STIMATE: variants seen among roughly 807,000 people sequenced by gnomAD.
STIMATE encodes the protein STIM activating enhancer, also known as store-operated calcium entry regulator STIMATE.
Under a neutral mutation model 36.7 loss-of-function variants are expected in STIMATE, and 15 were observed. The observed-to-expected ratio is 0.41, with a 90% CI of 0.27 to 0.63. The LOEUF is 0.63. Ranked by LOEUF, STIMATE falls within the 20% of genes least tolerant of loss-of-function variation. The pLI is 0.32. For synonymous variants in STIMATE, 163 were observed against 162.3 expected (o/e 1.00, Z -0.03); for missense variants, 305 against 397.3 (o/e 0.77, Z 1.98).
intron 4 of STIMATE, 101 bp from the exon 5 acceptor site, chr3:52,845,042 T>G: frequency 1.7e-6 from 2 of 1,204,778 alleles, no homozygotes; most frequent in Non-Finnish European, 2.3e-6. Context: ...ACACTGGCTC[T>G]AAAGCTCTAA....
Position 52,852,702 on chromosome 3 carries a change from T to C in STIMATE, c.210-4A>G. 1.9e-6 allele frequency: 3 copies of C among 1,613,716 alleles called. No homozygotes were observed. The South Asian group carries it at 3.3e-5, about 18-fold the overall frequency. On this transcript the variant is annotated splice_region_variant and splice_polypyrimidine_tract_variant and intron_variant, in intron 2 of 7. Coordinates refer to ENST00000355083, the MANE Select transcript of STIMATE (RefSeq NM_198563.5). ...TTGTTTGGAAGTGTCTAAAAACCTG[T>C]ACAAAATAAACCAGCACTGGTTATT...
chr3:52,887,957 G>A (rs1047374603), intron 1 of STIMATE, among the ~76,000 whole-genome samples: 1 of 130,926 alleles, frequency 7.6e-6, no homozygotes. Flanking sequence ...AGGCAATTTA[G>A]CATCCCTGTT....
At chr3:52,844,773 G>A (rs1308088182) in intron 5 of STIMATE, 56 bp downstream of exon 5, 14 of 1,591,956 alleles carry the variant, frequency 8.8e-6, no homozygotes, top group Non-Finnish European at 1.2e-5. Context: ...GTGATGGGGA[G>A]GAAGTGCTGC....
At chr3:52,884,536 G>C (rs576772331) in intron 1 of STIMATE, among the ~76,000 whole-genome samples, 36 of 152,216 alleles carry the variant, frequency 2.4e-4, no homozygotes, top group African/African-American at 7.7e-4. Context: ...GTGACCTACC[G>C]CGCCCGCCCA....
intron 1 of STIMATE, among the ~76,000 whole-genome samples, chr3:52,891,533 C>A (rs1019382215): frequency 6.6e-6 from 1 of 152,226 alleles, no homozygotes; most frequent in Admixed American, 6.5e-5. Flanking sequence ...TCTCTCAGAG[C>A]CCACATGAGG....
chr3:52,836,892 G>T lies in STIMATE; in HGVS notation c.*3602C>A, dbSNP rs1336832356. On this transcript the variant is annotated 3_prime_UTR_variant, in exon 8 of 8. Coordinates refer to ENST00000355083, the MANE Select transcript of STIMATE (RefSeq NM_198563.5). ...CTGGATGGCTGCTGAAGTGGGCCAT[G>T]GTTTTCCTTGCATAGGTCTGACTTC... The T allele has an allele frequency of 1.8e-5, 4 of 226,178 alleles. No homozygotes were observed. Among genetic ancestry groups the T allele is most frequent in the African/African-American group, 9.1e-5 (4 of 44,158 alleles). 14.0% of individuals were successfully genotyped at this position (226,178 alleles called of 1,614,324 possible).
chr3:52,879,475 T>G (rs962074926), intron 1 of STIMATE, among the ~76,000 whole-genome samples: 19 of 152,100 alleles, frequency 1.2e-4, no homozygotes, highest in African/African-American at 4.3e-4. Context: ...TCTCCTCCAC[T>G]TAGGAAGAAC....
In STIMATE at chr3:52,843,748, G is replaced by A. The variant is rs754880364; in HGVS notation, c.591C>T (p.Val197=). 2 of 1,613,730 alleles carry A rather than the reference G, an allele frequency of 1.2e-6. No homozygotes were observed. The highest frequency in any genetic ancestry group is 2.2e-5 in the South Asian group (2 of 91,060). The change falls in exon 6 of 8, where the codon GTC becomes GTT. Residue 197 remains valine, a synonymous_variant. Coordinates refer to ENST00000355083, the MANE Select transcript of STIMATE (RefSeq NM_198563.5). ...IENPDLKLAI[V]MLIVPFFVNA... The stretch of plus-strand genomic sequence containing the variant: ...TGACAAAGAAGGGGACGATCAGCAT[G>A]ACGATGGCCAGCTTCAAGTCTGGGT...
At chr3:52,873,254 G>A (rs1444764648) in intron 1 of STIMATE, among the ~76,000 whole-genome samples, 1 of 152,206 alleles carries the variant, frequency 6.6e-6, no homozygotes, top group Non-Finnish European at 1.5e-5. Context: ...GAGCGAGGGG[G>A]CATTATCACT....
chr3:52,884,535 C>T (rs982259400), intron 1 of STIMATE, among the ~76,000 whole-genome samples: 28 of 152,282 alleles, frequency 1.8e-4, no homozygotes, highest in African/African-American at 6.5e-4. Flanking sequence ...CGTGACCTAC[C>T]GCGCCCGCCC....
intron 4 of STIMATE, among the ~76,000 whole-genome samples, chr3:52,849,499 C>T (rs1700962325): frequency 6.6e-6 from 1 of 152,218 alleles, no homozygotes; most frequent in African/African-American, 2.4e-5. Flanking sequence ...GTGTGTGGGA[C>T]TGCTGGTGTC....
chr3:52,859,176 TAAATAAAATA>T (rs71087028), intron 1 of STIMATE, among the ~76,000 whole-genome samples: 9 of 141,878 alleles, frequency 6.3e-5, no homozygotes, highest in African/African-American at 1.3e-4. Flanking sequence ...AAAAATAAAA[TAAATAAAATA>T]AAATAAAATA....
chr3:52,888,216 G>T (rs1316246228), intron 1 of STIMATE, among the ~76,000 whole-genome samples: 1 of 151,972 alleles, frequency 6.6e-6, no homozygotes, highest in African/African-American at 2.4e-5. Context: ...GGGCATAATG[G>T]AAGAGCAGAC....
intron 4 of STIMATE, 137 bp from the exon 5 acceptor site, chr3:52,845,078 G>T: frequency 1.4e-6 from 1 of 705,682 alleles, no homozygotes; most frequent in Non-Finnish European, 2.2e-6. Flanking sequence ...CCCCCCAAAA[G>T]TCCAAAGGAT....
In STIMATE at chr3:52,860,790, A is replaced by G. The variant is rs188240744; in HGVS notation, c.161-5346T>C. Among the ~76,000 whole-genome samples the G allele has an allele frequency of 5.1e-3, 776 of 152,264 alleles. 2 individuals carry two copies. Among genetic ancestry groups the G allele is most frequent in the Non-Finnish European group, 8.2e-3 (558 of 68,002 alleles). ...TGCTGACAGTGGACGTGGGGTGTGG[A>G]AGAAAGGATGGCTGGGGCTGACTCG... On this transcript the variant is annotated intron_variant, in intron 1 of 7. Transcript: ENST00000355083.
chr3:52,897,259 G>A (rs530694654), intron 1 of STIMATE, 32 bp downstream of exon 1: 10 of 1,531,984 alleles, frequency 6.5e-6, no homozygotes, highest in Non-Finnish European at 8.7e-6. Flanking sequence ...GCCGCGCAGG[G>A]CCTCCGGAGG....
intron 1 of STIMATE, among the ~76,000 whole-genome samples, chr3:52,865,596 A>G (rs1316850087): frequency 7.0e-6 from 1 of 143,442 alleles, no homozygotes; most frequent in East Asian, 2.1e-4. Flanking sequence ...CATGAGACTT[A>G]TTCACTACCA....
At chr3:52,855,539 TATAACCAAGGTA>T in intron 1 of STIMATE, 95 bp from the exon 2 acceptor site, 1 of 1,555,766 alleles carries the variant, frequency 6.4e-7, no homozygotes, top group Non-Finnish European at 8.8e-7. Context: ...TCACTGTGTG[TATAACCAAGGTA>T]ATACACACAC....
At chr3:52,860,017 C>T (rs1209915860) in intron 1 of STIMATE, among the ~76,000 whole-genome samples, 2 of 149,958 alleles carry the variant, frequency 1.3e-5, no homozygotes, top group Non-Finnish European at 3.0e-5. Context: ...TCCTTCCTCT[C>T]CACCTCCTAT....
Sources: allele counts gnomAD v4.1 joint callset (sites outside exome capture counted in the v4.1 genomes callset), GRCh38; gene constraint gnomAD v4.1.1; transcripts MANE v1.5; gene names NCBI Gene and HGNC (gene_info 2026-07-23, HGNC 2026-07-21).